PHF24: variants seen among roughly 807,000 people sequenced by gnomAD.
PHF24 encodes PHD finger protein 24.
In PHF24, 25 loss-of-function variants were observed where a neutral mutation model predicts 42.6. That is an observed-to-expected ratio of 0.59 (90% CI 0.43 to 0.82). PHF24 has a LOEUF of 0.82. PHF24 is among the 40% of genes least tolerant of loss of function. The pLI is 0.00. For synonymous variants in PHF24, 185 were observed against 204.8 expected, an observed-to-expected ratio of 0.90 and a Z score of 0.83; for missense variants, 470 against 538.1, an observed-to-expected ratio of 0.87 and a Z score of 1.25.
At chr9:34,723,656 A>C in the PHF24 span, 1 of 1,551,676 alleles carries the variant, frequency 6.4e-7, no homozygotes, top group Non-Finnish European at 8.7e-7. Flanking sequence ...GACTGGCATC[A>C]CCAGCCCATG....
the PHF24 span, among the ~76,000 whole-genome samples, chr9:34,785,705 T>C: frequency 6.6e-6 from 1 of 152,166 alleles, no homozygotes; most frequent in Admixed American, 6.5e-5. Flanking sequence ...GTCACCATCC[T>C]CCCTACCTGA....
the PHF24 span, among the ~76,000 whole-genome samples, chr9:34,696,357 G>A: frequency 3.3e-5 from 5 of 151,952 alleles, no homozygotes; most frequent in East Asian, 1.9e-4. Flanking sequence ...GCACGCTGGC[G>A]AGTGCCTGTA....
At chr9:34,889,803 C>A in the PHF24 span, among the ~76,000 whole-genome samples, 3 of 152,188 alleles carry the variant, frequency 2.0e-5, no homozygotes, top group African/African-American at 7.2e-5. Flanking sequence ...AAATTTACCC[C>A]TTCAAATACT....
chr9:34,971,651 A>G lies in PHF24; in HGVS notation c.353A>G (p.Glu118Gly), dbSNP rs776255580. ...AAGCTGGATGATGACAAACCTCCAG[A>G]AATCTGCCTGGAGCCCAGAGAGCCT... Residue 118 changes from glutamate to glycine, a missense_variant, in exon 2 of 8, where the codon GAA becomes GGA. By Grantham distance (98) the Glu-to-Gly change is moderately conservative (BLOSUM62 -2). Transcript: ENST00000242315. 3 of 1,612,618 alleles carry G rather than the reference A, an allele frequency of 1.9e-6. No homozygotes were observed. The South Asian group carries it at 3.3e-5, about 18-fold the overall frequency.
At chr9:34,898,672 A>G in the PHF24 span, among the ~76,000 whole-genome samples, 1 of 152,236 alleles carries the variant, frequency 6.6e-6, no homozygotes, top group Non-Finnish European at 1.5e-5. Flanking sequence ...CATACCTGCA[A>G]AGTAGCCTGT....
At chr9:34,773,319 A>G in the PHF24 span, among the ~76,000 whole-genome samples, 5 of 152,174 alleles carry the variant, frequency 3.3e-5, no homozygotes, top group African/African-American at 1.2e-4. Flanking sequence ...CCATCCTCCA[A>G]TAAAACGAAG....
At chr9:34,941,637 A>C in the PHF24 span, among the ~76,000 whole-genome samples, 1 of 152,222 alleles carries the variant, frequency 6.6e-6, no homozygotes, top group Non-Finnish European at 1.5e-5. Context: ...GAGGCTGGGA[A>C]GACCAAGATC....
chr9:34,701,413 G>T, the PHF24 span, among the ~76,000 whole-genome samples: 29 of 152,312 alleles, frequency 1.9e-4, 1 homozygote, highest in Non-Finnish European at 4.4e-5. The surrounding 1 kb of genome is among the most constrained non-coding windows in gnomAD (Gnocchi z 5.8). Flanking sequence ...GTCCGCGCCC[G>T]TGAGCGTGCC....
the PHF24 span, among the ~76,000 whole-genome samples, chr9:34,874,308 T>A: frequency 6.6e-6 from 1 of 152,222 alleles, no homozygotes; most frequent in Non-Finnish European, 1.5e-5. Flanking sequence ...TTTTTGCCCA[T>A]TCAGTATGCA....
chr9:34,956,741 C>A (rs1247319497), upstream of PHF24, among the ~76,000 whole-genome samples: 1 of 152,170 alleles, frequency 6.6e-6, no homozygotes, highest in East Asian at 1.9e-4. Context: ...AGGGGGGGAC[C>A]CCCAGACTAT....
the PHF24 span, chr9:34,690,044 G>T: frequency 6.2e-7 from 1 of 1,610,940 alleles, no homozygotes; most frequent in African/African-American, 1.3e-5. Flanking sequence ...AGGCCGGAGA[G>T]AATGGAGCCC....
chr9:34,977,647 T>C lies in PHF24; in HGVS notation c.1106+6T>C. On this transcript the variant is annotated splice_donor_region_variant and intron_variant, in intron 7 of 7. Coordinates refer to ENST00000242315, the Ensembl canonical transcript of PHF24. ...CCCACAGAGCAGGAGTCCAGGTGAG[T>C]AGGACCTCCTCACCTGGCCATTTGT... The C allele has an allele frequency of 6.3e-7, 1 of 1,577,316 alleles. No individual in the cohort carries two copies. The highest frequency in any genetic ancestry group is 8.6e-7 in the Non-Finnish European group (1 of 1,157,832).
At chr9:34,776,963 T>C in the PHF24 span, among the ~76,000 whole-genome samples, 2 of 152,240 alleles carry the variant, frequency 1.3e-5, no homozygotes. Flanking sequence ...ATAGTCTTTG[T>C]ATGATTTATT....
At chr9:34,976,478 G>T in intron 4 of PHF24, 57 bp from the exon 5 acceptor site, 1 of 1,559,360 alleles carries the variant, frequency 6.4e-7, no homozygotes, top group Non-Finnish European at 8.7e-7. Flanking sequence ...GGAGGTGATG[G>T]AGGTGCCCTG....
the PHF24 span, among the ~76,000 whole-genome samples, chr9:34,846,422 C>A: frequency 5.3e-5 from 8 of 151,730 alleles, no homozygotes; most frequent in Admixed American, 4.6e-4. Context: ...TGTTCATGTC[C>A]TTTGCCCACT....
chr9:34,726,842 A>C, the PHF24 span: 8 of 1,551,800 alleles, frequency 5.2e-6, no homozygotes, highest in East Asian at 1.7e-4. Flanking sequence ...GGAGCCCTGC[A>C]ATGGCCCCGA....
At chr9:34,784,992 C>T in the PHF24 span, among the ~76,000 whole-genome samples, 2 of 152,180 alleles carry the variant, frequency 1.3e-5, no homozygotes, top group Non-Finnish European at 2.9e-5. Context: ...GAATACACAG[C>T]AGCACACAAA....
chr9:34,862,982 T>C, the PHF24 span, among the ~76,000 whole-genome samples: 2 of 151,770 alleles, frequency 1.3e-5, no homozygotes, highest in African/African-American at 4.8e-5. Context: ...CCTTGGGCCA[T>C]AAGTGTACAT....
chr9:34,863,333 G>A, the PHF24 span, among the ~76,000 whole-genome samples: 73 of 152,184 alleles, frequency 4.8e-4, no homozygotes, highest in African/African-American at 1.7e-3. Context: ...ACCCAGTGCC[G>A]TGGTGGCTTC....
Sources: allele counts gnomAD v4.1 joint callset (sites outside exome capture counted in the v4.1 genomes callset), GRCh38; gene constraint gnomAD v4.1.1; non-coding constraint Gnocchi (gnomAD v3.1); transcripts MANE v1.5; gene names NCBI Gene and HGNC (gene_info 2026-07-23, HGNC 2026-07-21).